RSF1: variants seen among roughly 807,000 people sequenced by gnomAD.
RSF1 encodes the protein remodeling and spacing factor 1, also known as HBV pX-associated protein 8.
RSF1 carries 13 observed loss-of-function variants against 145.2 expected under a neutral mutation model. The ratio of observed to expected loss-of-function variants is 0.09; its 90% CI spans 0.06 to 0.14. The LOEUF (loss-of-function observed/expected upper bound fraction) is 0.14, where lower values mean the gene tolerates loss of function less well. Among genes scored for constraint, RSF1 ranks in the 10% least tolerant of loss-of-function variants. RSF1 has a pLI of 1.00. For missense variants in RSF1, 1,517 were observed against 1,718.2 expected (o/e 0.88, Z 2.07); for synonymous variants, 577 against 592.6 (o/e 0.97, Z 0.38).
chr11:77,741,595 T>G (rs1947939678), intron 3 of RSF1, among the ~76,000 whole-genome samples: 1 of 152,092 alleles, frequency 6.6e-6, no homozygotes, highest in South Asian at 2.1e-4. Flanking sequence ...CAAATAAAAA[T>G]TGCATATATT....
intron 9 of RSF1, among the ~76,000 whole-genome samples, chr11:77,689,437 C>T (rs1960092622): frequency 6.6e-6 from 1 of 152,238 alleles, no homozygotes; most frequent in African/African-American, 2.4e-5. Flanking sequence ...GTCACTTTTA[C>T]ACTTTGCCTT....
chr11:77,870,882 TC>T, the RSF1 span, among the ~76,000 whole-genome samples: 1 of 152,190 alleles, frequency 6.6e-6, no homozygotes, highest in African/African-American at 2.4e-5. Context: ...TATAACTTTT[TC>T]CCCCACTTAC....
chr11:77,847,938 C>T, the RSF1 span, among the ~76,000 whole-genome samples: 1 of 152,096 alleles, frequency 6.6e-6, no homozygotes, highest in East Asian at 1.9e-4. Context: ...TGAGATGTCC[C>T]AGTTAAAATG....
At position 77,798,307 on chromosome 11, in the gene RSF1, G is replaced by A. The variant is rs574670349; in HGVS notation, c.187+22221C>T. Among the ~76,000 whole-genome samples, 80 of 151,982 alleles carry A rather than the reference G, an allele frequency of 5.3e-4. 2 individuals carry two copies. The South Asian group carries it at 0.015, about 29-fold the overall frequency. On this transcript the variant is annotated intron_variant, in intron 1 of 15. Coordinates refer to ENST00000308488, the MANE Select transcript of RSF1 (RefSeq NM_016578.4). Reference sequence around the variant, plus strand: ...ATAAAGAAAATGTGGCACACAGGCCGGAAGCAGTGGCTCATGCCTGTAATC... The same window carrying A: ...ATAAAGAAAATGTGGCACACAGGCCAGAAGCAGTGGCTCATGCCTGTAATC...
chr11:77,672,709 G>C (rs1181598094), intron 14 of RSF1, among the ~76,000 whole-genome samples: 1 of 151,978 alleles, frequency 6.6e-6, no homozygotes, highest in Non-Finnish European at 1.5e-5. Context: ...TTGAGACAGA[G>C]TCTCACTATG....
At chr11:77,698,784 A>G in intron 6 of RSF1, 91 bp from the exon 7 acceptor site, 1 of 1,084,162 alleles carries the variant, frequency 9.2e-7, no homozygotes, top group Non-Finnish European at 1.4e-6. Flanking sequence ...AATAATATTC[A>G]GCCAATATAC....
chr11:77,792,672 A>G lies in RSF1; in HGVS notation c.187+27856T>C, dbSNP rs533158318. Among the ~76,000 whole-genome samples, 213 of 152,110 alleles carry G rather than the reference A, an allele frequency of 1.4e-3. 1 individual carries two copies. Among genetic ancestry groups the G allele is most frequent in the African/African-American group, 4.9e-3 (203 of 41,492 alleles). On this transcript the variant is annotated intron_variant, in intron 1 of 15. Transcript: ENST00000308488. ...TCATACAGAGATTACATTATCATAT[A>G]TGCTCAGAATCTCAGCAGAAACTTT...
At chr11:77,730,162 GGTAA>G (rs1376608200) in intron 4 of RSF1, among the ~76,000 whole-genome samples, 1 of 152,050 alleles carries the variant, frequency 6.6e-6, no homozygotes, top group African/African-American at 2.4e-5. Context: ...ATTTGCCTAA[GGTAA>G]GTTAGTACAA....
At chr11:77,867,974 T>C in the RSF1 span, among the ~76,000 whole-genome samples, 1 of 152,198 alleles carries the variant, frequency 6.6e-6, no homozygotes, top group Non-Finnish European at 1.5e-5. Context: ...ATGCAAGTGC[T>C]TTCTTTTCCC....
chr11:77,691,088 A>G, intron 9 of RSF1, 71 bp downstream of exon 9: 1 of 1,429,312 alleles, frequency 7.0e-7, no homozygotes, highest in South Asian at 1.2e-5. Context: ...AGATGGATCC[A>G]TTTATCCATA....
chr11:77,730,608 G>T (rs1385523246), intron 4 of RSF1, among the ~76,000 whole-genome samples: 2 of 152,140 alleles, frequency 1.3e-5, no homozygotes, highest in African/African-American at 4.8e-5. Flanking sequence ...GTTTGGCTGT[G>T]TCTCCACCCA....
intron 1 of RSF1, among the ~76,000 whole-genome samples, chr11:77,815,784 T>A (rs1368757287): frequency 2.6e-5 from 4 of 152,228 alleles, no homozygotes; most frequent in Non-Finnish European, 5.9e-5. Context: ...TGTAGCTACA[T>A]CTGTACATAG....
At chr11:77,678,193 C>CTTT in intron 11 of RSF1, 40 bp from the exon 12 acceptor site, 1 of 616,702 alleles carries the variant, frequency 1.6e-6, no homozygotes, top group Non-Finnish European at 2.4e-6. Context: ...CCTGTCCTGG[C>CTTT]TTTTTTTTTT....
Position 77,666,652 on chromosome 11 carries a change from TATA to T in RSF1, c.*262_*264del, listed in dbSNP as rs1472493255. 2 of 285,802 alleles carry T rather than the reference TATA, an allele frequency of 7.0e-6. No homozygotes were observed. Among genetic ancestry groups the T allele is most frequent in the Non-Finnish European group, 1.3e-5 (2 of 155,258 alleles). The allele number at this position is 285,802 out of a possible 1,614,324, so 17.7% of individuals were successfully genotyped here. A position where few individuals can be genotyped will look rare whatever the true frequency, so the allele number is the denominator to read the frequency against. ...AAAATATACAAATCTTTGTTGTTAT[TATA>T]ATAAGATTTTTTTCCATGAATGAAA... On this transcript the variant is annotated 3_prime_UTR_variant, in exon 16 of 16. Transcript: ENST00000308488.
chr11:77,794,921 C>A (rs1373288447), intron 1 of RSF1, among the ~76,000 whole-genome samples: 1 of 152,174 alleles, frequency 6.6e-6, no homozygotes, highest in Non-Finnish European at 1.5e-5. Flanking sequence ...AACTTTCCCT[C>A]TCTGCAGATG....
chr11:77,745,492 T>A (rs946901947), intron 3 of RSF1, among the ~76,000 whole-genome samples: 3 of 147,872 alleles, frequency 2.0e-5, no homozygotes, highest in Non-Finnish European at 4.4e-5. Flanking sequence ...CTCAAGAGTT[T>A]TAAAATTTCC....
chr11:77,766,209 T>C (rs775868966), intron 1 of RSF1, among the ~76,000 whole-genome samples: 9 of 152,216 alleles, frequency 5.9e-5, no homozygotes, highest in East Asian at 1.9e-4. Context: ...CTTATGTGCA[T>C]TGTGAATATC....
the RSF1 span, among the ~76,000 whole-genome samples, chr11:77,859,154 A>G: frequency 1.5e-4 from 23 of 152,312 alleles, no homozygotes; most frequent in African/African-American, 4.8e-4. Flanking sequence ...GGAGGAAACT[A>G]TGTCCTCCTG....
the RSF1 span, among the ~76,000 whole-genome samples, chr11:77,844,679 C>T: frequency 1.1e-4 from 16 of 152,138 alleles, no homozygotes; most frequent in South Asian, 1.2e-3. Context: ...GTTGAATACA[C>T]GTTTATTCAT....
Sources: gnomAD v4.1 joint callset for allele counts (sites outside exome capture counted in the v4.1 genomes callset) on GRCh38, gnomAD v4.1.1 for gene constraint, MANE v1.5 for transcripts, NCBI Gene and HGNC (gene_info 2026-07-23, HGNC 2026-07-21) for gene names.